Variants in KAZN observed in about 807,000 individuals in gnomAD.
The protein encoded by KAZN is kazrin, periplakin interacting protein.
KAZN carries 40 observed loss-of-function variants against 87.4 expected under a neutral mutation model. The observed-to-expected ratio is 0.46, with a 90% CI of 0.36 to 0.60. The LOEUF is 0.60. KAZN is among the 20% of genes least tolerant of loss of function. The pLI, the probability that KAZN is intolerant of heterozygous loss-of-function variation, is 0.00. For synonymous variants in KAZN, 466 were observed against 458.3 expected, an observed-to-expected ratio of 1.02 and a Z score of -0.22; for missense variants, 898 against 1,073.9, an observed-to-expected ratio of 0.84 and a Z score of 2.29.
intron 1 of KAZN, among the ~76,000 whole-genome samples, chr1:14,926,025 G>A (rs1012646200): frequency 1.3e-5 from 2 of 152,218 alleles, no homozygotes; most frequent in Admixed American, 1.3e-4. Flanking sequence ...TCCAAAGATG[G>A]TGTCTGTAAA....
intron 1 of KAZN, among the ~76,000 whole-genome samples, chr1:14,883,807 A>G (rs986582210): frequency 6.6e-6 from 1 of 152,116 alleles, no homozygotes; most frequent in Non-Finnish European, 1.5e-5. Context: ...CACTTATTTG[A>G]ATGTTACCTA....
At chr1:14,756,317 T>C (rs1257259399) in intron 1 of KAZN, among the ~76,000 whole-genome samples, 6 of 152,192 alleles carry the variant, frequency 3.9e-5, no homozygotes, top group African/African-American at 1.2e-4. Context: ...ATCTAATGGA[T>C]TCCTTACTCT....
intron 6 of KAZN, 120 bp from the exon 7 acceptor site, chr1:15,063,452 C>A: frequency 1.2e-6 from 1 of 822,560 alleles, no homozygotes; most frequent in Non-Finnish European, 2.1e-6. Context: ...ACTGCAGAGG[C>A]AGGGTGGCCC....
intron 2 of KAZN, among the ~76,000 whole-genome samples, chr1:14,370,192 G>T (rs1660360881): frequency 6.6e-6 from 1 of 152,180 alleles, no homozygotes; most frequent in Non-Finnish European, 1.5e-5. Flanking sequence ...TTGAGGGAGA[G>T]CAGGGTTGGG....
intron 2 of KAZN, among the ~76,000 whole-genome samples, chr1:14,980,754 G>A (rs963122629): frequency 4.6e-5 from 7 of 152,120 alleles, no homozygotes; most frequent in Non-Finnish European, 4.4e-5. Context: ...CATGATAGAC[G>A]GCAGGAAGCC....
At chr1:14,494,720 C>G (rs1397817866) in intron 2 of KAZN, among the ~76,000 whole-genome samples, 1 of 152,200 alleles carries the variant, frequency 6.6e-6, no homozygotes, top group Non-Finnish European at 1.5e-5. Flanking sequence ...CTCCAGGAAG[C>G]ATTGTTTTTT....
At chr1:14,151,225 G>C (rs1459029482) in intron 1 of KAZN, among the ~76,000 whole-genome samples, 1 of 152,116 alleles carries the variant, frequency 6.6e-6, no homozygotes, top group Non-Finnish European at 1.5e-5. Context: ...ATGGGCATAT[G>C]AGTGACCAAT....
chr1:15,109,999 GTGTGT>G (rs148866093), intron 13 of KAZN, among the ~76,000 whole-genome samples: 45,240 of 132,498 alleles, frequency 0.34, 6,771 homozygotes, highest in Non-Finnish European at 0.39. Context: ...GTGGGTATAT[GTGTGT>G]TGTGTATGTA....
At chr1:15,103,520 TATATGCAAATCA>T (rs141475354) in intron 12 of KAZN, 60 bp downstream of exon 12, 32,155 of 1,066,332 alleles carry the variant, frequency 0.03, 756 homozygotes, top group Non-Finnish European at 0.036. Context: ...CATGCAAATC[TATATGCAAATCA>T]ATATGCAAAT....
At chr1:14,757,902 G>A (rs1644613319) in intron 1 of KAZN, among the ~76,000 whole-genome samples, 1 of 152,152 alleles carries the variant, frequency 6.6e-6, no homozygotes, top group Admixed American at 6.5e-5. Flanking sequence ...GAAGAGAAGG[G>A]AGGGAGGAAA....
intron 1 of KAZN, among the ~76,000 whole-genome samples, chr1:13,914,526 T>C (rs1216205115): frequency 6.6e-6 from 1 of 152,250 alleles, no homozygotes; most frequent in Non-Finnish European, 1.5e-5. Flanking sequence ...GGTTATGTTA[T>C]ACGGCCCTTA....
chr1:14,962,117 G>C (rs6687730), intron 2 of KAZN, among the ~76,000 whole-genome samples: 53,818 of 152,216 alleles, frequency 0.35, 12,588 homozygotes, highest in African/African-American at 0.67. Context: ...TCGGCTCAGT[G>C]AGAGCCAATT....
At chr1:14,086,459 G>C (rs1643860050) in intron 1 of KAZN, among the ~76,000 whole-genome samples, 1 of 151,958 alleles carries the variant, frequency 6.6e-6, no homozygotes, top group Admixed American at 6.6e-5. Context: ...GTAGGTATTT[G>C]GTTCTCCCAG....
At chr1:13,968,852 C>CT (rs1201684377) in intron 1 of KAZN, among the ~76,000 whole-genome samples, 4 of 152,136 alleles carry the variant, frequency 2.6e-5, no homozygotes, top group Non-Finnish European at 5.9e-5. Flanking sequence ...AGTCTCATGT[C>CT]TTTAAATGCC....
intron 1 of KAZN, among the ~76,000 whole-genome samples, chr1:14,668,960 C>T (rs189789065): frequency 9.8e-5 from 15 of 152,302 alleles, no homozygotes; most frequent in African/African-American, 3.1e-4. Context: ...GCAGAGACCC[C>T]GGAGACCCTT....
chr1:14,600,666 CA>C (rs59840012), intron 1 of KAZN, among the ~76,000 whole-genome samples: 459 of 118,424 alleles, frequency 3.9e-3, no homozygotes, highest in East Asian at 0.023. Context: ...GGAACCTGTG[CA>C]AAAAAAAAAA....
At chr1:14,585,262 G>A (rs1675784428) in intron 2 of KAZN, among the ~76,000 whole-genome samples, 1 of 152,164 alleles carries the variant, frequency 6.6e-6, no homozygotes, top group Non-Finnish European at 1.5e-5. Flanking sequence ...AGGCAGGATG[G>A]CACCCTTGAG....
intron 1 of KAZN, among the ~76,000 whole-genome samples, chr1:14,135,305 A>G (rs1158023589): frequency 6.6e-6 from 1 of 152,198 alleles, no homozygotes; most frequent in East Asian, 1.9e-4. Context: ...TTCCTCTTCA[A>G]GGGACAGTGA....
intron 1 of KAZN, among the ~76,000 whole-genome samples, chr1:14,740,095 G>A (rs1644040931): frequency 6.6e-6 from 1 of 152,210 alleles, no homozygotes; most frequent in East Asian, 1.9e-4. Flanking sequence ...GGTTTTTGTG[G>A]ATCAGACCCA....
Sources: gnomAD v4.1 joint callset for allele counts (sites outside exome capture counted in the v4.1 genomes callset) on GRCh38, gnomAD v4.1.1 for gene constraint, MANE v1.5 for transcripts, NCBI Gene and HGNC (gene_info 2026-07-23, HGNC 2026-07-21) for gene names.